The following AOX1 variants were observed in gnomAD, a reference collection of about 807,000 sequenced individuals.
AOX1 encodes the protein aldehyde oxidase 1, also known as aldehyde oxidase.
AOX1 carries 153 observed loss-of-function variants against 169.5 expected under a neutral mutation model. The ratio of observed to expected loss-of-function variants is 0.90; its 90% confidence interval spans 0.79 to 1.03. The LOEUF is 1.03. Ranked by LOEUF, AOX1 falls within the 50% of genes least tolerant of loss-of-function variation. The probability of loss-of-function intolerance (pLI) is 0.00; values close to 1 mark genes in which losing one functional copy is unlikely to be tolerated. For synonymous variants in AOX1, 562 were observed against 581.9 expected, an observed-to-expected ratio of 0.97 and a Z score of 0.49; for missense variants, 1,656 against 1,663.9, an observed-to-expected ratio of 1.00 and a Z score of 0.08.
intron 21 of AOX1, among the ~76,000 whole-genome samples, 178 bp downstream of exon 21, chr2:200,635,093 TAG>T (rs924066163): frequency 2.6e-5 from 4 of 152,100 alleles, no homozygotes; most frequent in African/African-American, 9.7e-5. Context: ...GCCTGGGAGA[TAG>T]AGTGAGACCC....
downstream of AOX1, among the ~76,000 whole-genome samples, chr2:200,680,676 G>T (rs549674062): frequency 3.3e-5 from 5 of 152,272 alleles, no homozygotes; most frequent in African/African-American, 9.6e-5. Context: ...CTCATGAGTA[G>T]CTGGGATTAC....
At chr2:200,653,681 A>C (rs937812867) in intron 26 of AOX1, among the ~76,000 whole-genome samples, 1 of 152,180 alleles carries the variant, frequency 6.6e-6, no homozygotes, top group African/African-American at 2.4e-5. Context: ...ATGCAGGCAT[A>C]CCTTGTTTTA....
intron 12 of AOX1, among the ~76,000 whole-genome samples, chr2:200,610,509 A>G (rs2034612681): frequency 6.6e-6 from 1 of 152,244 alleles, no homozygotes. Flanking sequence ...GTATTTTGTT[A>G]TAGTTTTAAA....
intron 1 of AOX1, among the ~76,000 whole-genome samples, chr2:200,589,255 A>C (rs1351877475): frequency 6.6e-6 from 1 of 152,150 alleles, no homozygotes; most frequent in Non-Finnish European, 1.5e-5. Flanking sequence ...GATTTCTGAA[A>C]TCTTATTCAC....
At chr2:200,636,679 G>A (rs1418702736) in intron 21 of AOX1, among the ~76,000 whole-genome samples, 1 of 152,208 alleles carries the variant, frequency 6.6e-6, no homozygotes, top group Non-Finnish European at 1.5e-5. Flanking sequence ...GCTGAGATCA[G>A]TTGGGGCTGT....
At position 200,667,508 on chromosome 2, in the gene AOX1, T is replaced by C. The variant is rs1056349083; in HGVS notation, c.3609+756T>C. On this transcript the variant is annotated intron_variant, in intron 32 of 34. Coordinates refer to ENST00000374700, the MANE Select transcript of AOX1 (RefSeq NM_001159.4). The stretch of plus-strand genomic sequence containing the variant: ...ATTGGCGAATGGGAAGAATCTGTGG[T>C]GTGGAGAAGTCAAAGGAGGCTTAGG... Among the ~76,000 whole-genome samples the C allele has an allele frequency of 4.0e-5, 5 of 123,600 alleles. No individual in the cohort carries two copies. In the East Asian group the frequency reaches 1.1e-3, roughly 28 times the overall value. The allele number at this position is 123,600 out of a possible 152,430, so 81.1% of individuals were successfully genotyped here.
At chr2:200,651,499 G>T (rs1461056887) in intron 26 of AOX1, among the ~76,000 whole-genome samples, 1 of 152,122 alleles carries the variant, frequency 6.6e-6, no homozygotes, top group Admixed American at 6.5e-5. Flanking sequence ...GAGTCCATTT[G>T]CTCTGGGCTC....
intron 4 of AOX1, among the ~76,000 whole-genome samples, chr2:200,676,577 G>C (rs530769644): frequency 6.7e-6 from 1 of 148,680 alleles, no homozygotes; most frequent in East Asian, 2.0e-4. Flanking sequence ...TCCAGCCTGG[G>C]TGACAGAGTG....
chr2:200,631,020 GAA>G (rs2035115190), intron 20 of AOX1, among the ~76,000 whole-genome samples: 1 of 152,140 alleles, frequency 6.6e-6, no homozygotes. Context: ...AGGAAAAAAA[GAA>G]AGAAGATAGG....
downstream of AOX1, among the ~76,000 whole-genome samples, chr2:200,674,794 C>A (rs897850985): frequency 2.0e-5 from 3 of 152,150 alleles, no homozygotes; most frequent in Non-Finnish European, 4.4e-5. Flanking sequence ...GACCAACTGG[C>A]CATTTGGTGG....
At position 200,669,748 on chromosome 2, in the gene AOX1, T is replaced by C; in HGVS notation, c.3966+6T>C. On this transcript the variant is annotated splice_donor_region_variant and intron_variant, in intron 34 of 34. Coordinates refer to ENST00000374700, the MANE Select transcript of AOX1 (RefSeq NM_001159.4). ...AAGACAAGTTCACAAAAATGGTACG[T>C]TTGCATGGTAGAAAAAAAATAGTGA... is the stretch of plus-strand genomic sequence containing the variant. 1 of 1,607,508 alleles carries C rather than the reference T, an allele frequency of 6.2e-7. No individual in the cohort carries two copies. The highest frequency in any genetic ancestry group is 8.5e-7 in the Non-Finnish European group (1 of 1,177,742).
intron 20 of AOX1, among the ~76,000 whole-genome samples, chr2:200,628,639 A>G (rs980298097): frequency 9.9e-5 from 15 of 152,136 alleles, no homozygotes; most frequent in Non-Finnish European, 1.9e-4. Context: ...AAAAACTCCC[A>G]TCTTCTGGGC....
At chr2:200,652,745 T>C (rs2035604395) in intron 26 of AOX1, among the ~76,000 whole-genome samples, 1 of 152,162 alleles carries the variant, frequency 6.6e-6, no homozygotes, top group African/African-American at 2.4e-5. Flanking sequence ...CCCATTTTCC[T>C]CATCAGAATT....
intron 20 of AOX1, among the ~76,000 whole-genome samples, chr2:200,629,678 G>A (rs1051026642): frequency 3.3e-5 from 5 of 152,178 alleles, no homozygotes; most frequent in African/African-American, 1.2e-4. Flanking sequence ...GAGAAAAAGA[G>A]GGTACATTTC....
rs561081712 is a variant in AOX1 at position 200,648,581 on chromosome 2, G to C, written c.2848-2393G>C. 9.1e-4 allele frequency among the ~76,000 whole-genome samples: 138 copies of C among 152,318 alleles called. 1 individual carries two copies. The East Asian group carries it at 0.024, about 27-fold the overall frequency. ...CTGGTTGGCCTCCTACCAGGAGGTGGCACTTTCCAGAAAGCATCAGCTGTA... is the reference window on the plus strand; with the variant it reads ...CTGGTTGGCCTCCTACCAGGAGGTGCCACTTTCCAGAAAGCATCAGCTGTA... On this transcript the variant is annotated intron_variant, in intron 25 of 34. Coordinates refer to ENST00000374700, the MANE Select transcript of AOX1 (RefSeq NM_001159.4).
chr2:200,619,485 A>G (rs1292085017), intron 16 of AOX1, among the ~76,000 whole-genome samples: 1 of 151,994 alleles, frequency 6.6e-6, no homozygotes, highest in Non-Finnish European at 1.5e-5. Flanking sequence ...TTAGCAGGCC[A>G]CTCCTCAGCC....
chr2:200,673,558 A>G (rs553824211), downstream of AOX1, among the ~76,000 whole-genome samples: 16 of 152,274 alleles, frequency 1.1e-4, no homozygotes, highest in African/African-American at 3.9e-4. Context: ...GACTATTGCA[A>G]TAATCCCCTC....
chr2:200,630,548 GAGGAAGGA>G (rs67400406), intron 20 of AOX1, among the ~76,000 whole-genome samples: 1,265 of 120,588 alleles, frequency 0.01, 34 homozygotes, highest in African/African-American at 0.035. Context: ...GGAAGGAAGG[GAGGAAGGA>G]AGGAAGGAAG....
At chr2:200,599,856 C>T (rs1420320549) in intron 5 of AOX1, 110 bp downstream of exon 5, 13 of 903,192 alleles carry the variant, frequency 1.4e-5, no homozygotes, top group Non-Finnish European at 1.9e-5. Flanking sequence ...GCAATCTTGG[C>T]CCCACTGTAA....
Sources: allele counts gnomAD v4.1 joint callset (sites outside exome capture counted in the v4.1 genomes callset), GRCh38; gene constraint gnomAD v4.1.1; transcripts MANE v1.5; gene names NCBI Gene and HGNC (gene_info 2026-07-23, HGNC 2026-07-21).